The following TIFAB variants were observed in gnomAD, a reference collection of about 807,000 sequenced individuals.
TIFAB encodes TRAF-interacting protein with FHA domain-containing protein B.
For missense variants in TIFAB, 222 were observed against 203.6 expected (o/e 1.09, Z -0.55); for synonymous variants, 116 against 95.2 (o/e 1.22, Z -1.27).
Position 135,446,787 on chromosome 5 carries a change from C to T in TIFAB, c.*2667G>A, listed in dbSNP as rs781686804. ...CTGCTATGCAGTTCATCCTGGGTCC[C>T]TGAGGGCCTCGCAGATGCTTCACTC... On this transcript the variant is annotated 3_prime_UTR_variant, in exon 2 of 2. Transcript: ENST00000537858. 4 of 1,613,952 alleles carry T rather than the reference C, an allele frequency of 2.5e-6. No homozygotes were observed. The highest frequency in any genetic ancestry group is 3.4e-6 in the Non-Finnish European group (4 of 1,179,840).
intron 1 of TIFAB, among the ~76,000 whole-genome samples, chr5:135,451,775 C>T (rs145342691): frequency 7.7e-4 from 118 of 152,356 alleles, no homozygotes; most frequent in Non-Finnish European, 1.1e-3. Context: ...TAAGCCACCA[C>T]GCCCAGCCAG....
In TIFAB at chr5:135,444,477, G is replaced by T. The variant is rs138542701; in HGVS notation, c.*4977C>A. 6.6e-6 allele frequency: 1 copy of T among 152,286 alleles called. No homozygotes were observed. Among genetic ancestry groups the T allele is most frequent in the African/African-American group, 2.4e-5 (1 of 41,446 alleles). 9.4% of individuals were successfully genotyped at this position (152,286 alleles called of 1,614,324 possible). On this transcript the variant is annotated 3_prime_UTR_variant, in exon 2 of 2. Coordinates refer to ENST00000537858, the MANE Select transcript of TIFAB (RefSeq NM_001099221.2). ...CCTGTTAACCTCATGGTACTGTGGC[G>T]ACATCAGCCACCACTACGTGTCACG...
chr5:135,451,418 C>T (rs987531384), intron 1 of TIFAB, among the ~76,000 whole-genome samples: 1 of 152,050 alleles, frequency 6.6e-6, no homozygotes, highest in South Asian at 2.1e-4. Context: ...CCCTAAGGCA[C>T]AGACACACAT....
Position 135,444,370 on chromosome 5 carries a change from G to T in TIFAB, c.*5084C>A, listed in dbSNP as rs1444855744. ...TTTACTCCTCCCACAGTCTTGGATG[G>T]GTTTTGAGGGTCTGGTGCGGTGTCC... On this transcript the variant is annotated 3_prime_UTR_variant, in exon 2 of 2. Coordinates refer to ENST00000537858, the MANE Select transcript of TIFAB (RefSeq NM_001099221.2). 7 of 152,440 alleles carry T rather than the reference G, an allele frequency of 4.6e-5. No individual in the cohort carries two copies. The highest frequency in any genetic ancestry group is 1.7e-4 in the African/African-American group (7 of 41,582). 9.4% of individuals were successfully genotyped at this position (152,440 alleles called of 1,614,324 possible). A position where few individuals can be genotyped will look rare whatever the true frequency, so the allele number is the denominator to read the frequency against.
chr5:135,449,766 C>T lies in TIFAB; in HGVS notation c.174G>A (p.Leu58=). The T allele has an allele frequency of 1.2e-6, 2 of 1,613,058 alleles. No homozygotes were observed. The highest frequency in any genetic ancestry group is 1.7e-4 in the Middle Eastern group (1 of 6,058). Residue 58 remains leucine, a synonymous_variant, in exon 2 of 2, where the codon CTG becomes CTA. Coordinates refer to ENST00000537858, the MANE Select transcript of TIFAB (RefSeq NM_001099221.2). ...CTTTCTCCAGGTAGGGCTCCAGGGA[C>T]AGGTGACGGCGGGAGAGGCGAGGGA... ...LQLPRLSRRH[L]SLEPYLEKGS...
chr5:135,449,799 C>G lies in TIFAB; in HGVS notation c.141G>C (p.Gln47His), dbSNP rs1393009702. 3 of 1,610,570 alleles carry G rather than the reference C, an allele frequency of 1.9e-6. No individual in the cohort carries two copies. Among genetic ancestry groups the G allele is most frequent in the Non-Finnish European group, 2.5e-6 (3 of 1,177,206 alleles). ...LLGRGQDAHL[Q>H]LQLPRLSRRH... ...GGCGGGAGAGGCGAGGGAGCTGCAG[C>G]TGGAGGTGGGCGTCCTGCCCCCGTC... The change falls in exon 2 of 2, where the codon CAG (glutamine) becomes CAC (histidine). Residue 47 changes from glutamine to histidine, a missense_variant. Gln to His is a conservative substitution (Grantham distance 24, BLOSUM62 0). Transcript: ENST00000537858.
In TIFAB at chr5:135,447,184, C is replaced by A; in HGVS notation, c.*2270G>T. On this transcript the variant is annotated 3_prime_UTR_variant, in exon 2 of 2. Coordinates refer to ENST00000537858, the MANE Select transcript of TIFAB (RefSeq NM_001099221.2). Reference sequence around the variant, plus strand: ...ACCAAAATACATGTGGCTTCTTCTCCTTGCCAGCCCTACCAGGGCATCTCC... The same window carrying A: ...ACCAAAATACATGTGGCTTCTTCTCATTGCCAGCCCTACCAGGGCATCTCC... 1 of 1,575,016 alleles carries A rather than the reference C, an allele frequency of 6.3e-7. No individual in the cohort carries two copies. The highest frequency in any genetic ancestry group is 8.7e-7 in the Non-Finnish European group (1 of 1,149,656).
Position 135,446,676 on chromosome 5 carries a change from TGTG to T in TIFAB, c.*2775_*2777del, listed in dbSNP as rs1769271002. ...AGGTGTGAGTTTCCCGGTGAGACTG[TGTG>T]AACTGTGAACGGGTAGAGTCTGAAA... On this transcript the variant is annotated 3_prime_UTR_variant, in exon 2 of 2. Coordinates refer to ENST00000537858, the MANE Select transcript of TIFAB (RefSeq NM_001099221.2). 1.2e-6 allele frequency: 2 copies of T among 1,613,914 alleles called. No individual in the cohort carries two copies. The highest frequency in any genetic ancestry group is 3.3e-5 in the Admixed American group (2 of 60,008).
Position 135,449,858 on chromosome 5 carries a change from G to T in TIFAB, c.82C>A (p.Arg28=), listed in dbSNP as rs372509947. 10 of 1,589,056 alleles carry T rather than the reference G, an allele frequency of 6.3e-6. No individual in the cohort carries two copies. The African/African-American group carries it at 1.2e-4, about 19-fold the overall frequency. The change falls in exon 2 of 2, where the codon CGG becomes AGG. Residue 28 remains arginine, a synonymous_variant. Transcript: ENST00000537858. ...AGAGGGCTGGTATCATGCTGCAGCC[G>T]TGGTGGGACATTGGCAAAGGCAGAT... ...GPSAFANVPP[R]LQHDTSPLLL...
In TIFAB at chr5:135,449,822, G is replaced by T; in HGVS notation, c.118C>A (p.Arg40=). 3 of 1,609,280 alleles carry T rather than the reference G, an allele frequency of 1.9e-6. No individual in the cohort carries two copies. The highest frequency in any genetic ancestry group is 2.2e-5 in the East Asian group (1 of 44,766). Residue 40 remains arginine, a synonymous_variant, in exon 2 of 2, where the codon CGG becomes AGG. Transcript: ENST00000537858. ...QHDTSPLLLG[R]GQDAHLQLQL... is the part of the protein sequence containing the mutation. ...AGCTGGAGGTGGGCGTCCTGCCCCC[G>T]TCCGAGAAGCAGAGGGCTGGTATCA...
rs1362925369 is a variant in TIFAB, at chr5:135,446,383, C to T, written c.*3071G>A. ...GCACACGCACACATGTTCACTCAGG[C>T]ACGTGGGCTGCCCTGCGGTGGGAGC... On this transcript the variant is annotated 3_prime_UTR_variant, in exon 2 of 2. Transcript: ENST00000537858. 12 of 1,600,772 alleles carry T rather than the reference C, an allele frequency of 7.5e-6. No individual in the cohort carries two copies. The highest frequency in any genetic ancestry group is 9.4e-6 in the Non-Finnish European group (11 of 1,171,026).
chr5:135,447,617 T>C lies in TIFAB; in HGVS notation c.*1837A>G, dbSNP rs1017667502. On this transcript the variant is annotated 3_prime_UTR_variant, in exon 2 of 2. Coordinates refer to ENST00000537858, the MANE Select transcript of TIFAB (RefSeq NM_001099221.2). Reference sequence around the variant, plus strand: ...ACTGATGGTGTGATGTTGGGCAAGATATGTAACCTTTCCAAGTCTCAGTTT... The same window carrying C: ...ACTGATGGTGTGATGTTGGGCAAGACATGTAACCTTTCCAAGTCTCAGTTT... 1 of 166,216 alleles carries C rather than the reference T, an allele frequency of 6.0e-6. No individual in the cohort carries two copies. The highest frequency in any genetic ancestry group is 2.4e-5 in the African/African-American group (1 of 41,496). The allele number at this position is 166,216 out of a possible 1,614,324, so 10.3% of individuals were successfully genotyped here.
At chr5:135,451,650 A>C (rs1361849530) in intron 1 of TIFAB, among the ~76,000 whole-genome samples, 1 of 151,794 alleles carries the variant, frequency 6.6e-6, no homozygotes, top group Non-Finnish European at 1.5e-5. Context: ...TGCCCAGCTA[A>C]TTTTTGTATT....
Position 135,446,433 on chromosome 5 carries a change from G to C in TIFAB, c.*3021C>G, listed in dbSNP as rs1185077994. 1.2e-6 allele frequency: 2 copies of C among 1,612,768 alleles called. No individual in the cohort carries two copies. Among genetic ancestry groups the C allele is most frequent in the African/African-American group, 2.7e-5 (2 of 74,930 alleles). ...CTGAGAGAATGCAGTGGAGGTTGTT[G>C]GGAGGAACTCACCCGCCTGCTCTGG... On this transcript the variant is annotated 3_prime_UTR_variant, in exon 2 of 2. Coordinates refer to ENST00000537858, the MANE Select transcript of TIFAB (RefSeq NM_001099221.2).
In TIFAB at chr5:135,444,846, G is replaced by A. The variant is rs1028442976; in HGVS notation, c.*4608C>T. Reference sequence around the variant, plus strand: ...TAGGGAAATATTCCCTCAGTGTCCTGCTGTGAAACTGTTAAAGCCACCCAT... The same window carrying A: ...TAGGGAAATATTCCCTCAGTGTCCTACTGTGAAACTGTTAAAGCCACCCAT... On this transcript the variant is annotated 3_prime_UTR_variant, in exon 2 of 2. Coordinates refer to ENST00000537858, the MANE Select transcript of TIFAB (RefSeq NM_001099221.2). 1 of 152,290 alleles carries A rather than the reference G, an allele frequency of 6.6e-6. No individual in the cohort carries two copies. The highest frequency in any genetic ancestry group is 2.4e-5 in the African/African-American group (1 of 41,460). 9.4% of individuals were successfully genotyped at this position (152,290 alleles called of 1,614,324 possible). A position where few individuals can be genotyped will look rare whatever the true frequency, so the allele number is the denominator to read the frequency against.
At chr5:135,450,969 A>G (rs1769353536) in intron 1 of TIFAB, among the ~76,000 whole-genome samples, 1 of 152,092 alleles carries the variant, frequency 6.6e-6, no homozygotes, top group East Asian at 1.9e-4. Flanking sequence ...CTTACTCTCC[A>G]TTCATTCCAT....
In TIFAB at chr5:135,445,067, G is replaced by C. The variant is rs1769231204; in HGVS notation, c.*4387C>G. 6.6e-6 allele frequency: 1 copy of C among 152,222 alleles called. No individual in the cohort carries two copies. Among genetic ancestry groups the C allele is most frequent in the African/African-American group, 2.4e-5 (1 of 41,420 alleles). 9.4% of individuals were successfully genotyped at this position (152,222 alleles called of 1,614,324 possible). ...GAGACTTGGTGGGCAACAGGCCTGG[G>C]CTCAGTCCAGCCAGCCCAACCTCTG... On this transcript the variant is annotated 3_prime_UTR_variant, in exon 2 of 2. Coordinates refer to ENST00000537858, the MANE Select transcript of TIFAB (RefSeq NM_001099221.2).
chr5:135,451,676 G>A (rs1387980556), intron 1 of TIFAB, among the ~76,000 whole-genome samples: 2 of 152,028 alleles, frequency 1.3e-5, no homozygotes, highest in Non-Finnish European at 2.9e-5. Context: ...TAGAGACGGG[G>A]TTTCGCCATG....
In TIFAB at chr5:135,449,697, C is replaced by T. The variant is rs752579577; in HGVS notation, c.243G>A (p.Lys81=). 2.0e-5 allele frequency: 32 copies of T among 1,614,004 alleles called. No homozygotes were observed. In the South Asian group the frequency reaches 3.2e-4, roughly 16 times the overall value. The part of the protein sequence containing the change: ...LAFCLKALSR[K]GCVWVNGLTL... ...TCAGCCCATTGACCCACACACAGCC[C>T]TTGCGGCTCAGGGCCTTGAGGCAGA... The change falls in exon 2 of 2, where the codon AAG becomes AAA. Residue 81 remains lysine (K), a synonymous_variant. Transcript: ENST00000537858.
Sources: gnomAD v4.1 joint callset for allele counts (sites outside exome capture counted in the v4.1 genomes callset) on GRCh38, gnomAD v4.1.1 for gene constraint, MANE v1.5 for transcripts, NCBI Gene and HGNC (gene_info 2026-07-23, HGNC 2026-07-21) for gene names.